TTC28: variants seen among roughly 807,000 people sequenced by gnomAD.
TTC28 encodes tetratricopeptide repeat domain 28.
TTC28 carries 61 observed loss-of-function variants against 198.0 expected under a neutral mutation model. The ratio of observed to expected loss-of-function variants is 0.31; its 90% CI spans 0.25 to 0.38. TTC28 has a LOEUF of 0.38. TTC28 is among the 10% of genes least tolerant of loss of function. The probability of loss-of-function intolerance (pLI) is 1.00; values close to 1 mark genes in which losing one functional copy is unlikely to be tolerated. For synonymous variants in TTC28, 1,171 were observed against 1,297.8 expected (o/e 0.90, Z 2.10); for missense variants, 2,678 against 3,164.0 (o/e 0.85, Z 3.69).
intron 2 of TTC28, among the ~76,000 whole-genome samples, chr22:28,461,961 T>C (rs1260648889): frequency 6.6e-6 from 1 of 152,204 alleles, no homozygotes; most frequent in African/African-American, 2.4e-5. Context: ...ACCAACCAGC[T>C]TGTCTCAGAA....
At chr22:28,027,766 C>T (rs1601532143) in intron 13 of TTC28, among the ~76,000 whole-genome samples, 2 of 152,394 alleles carry the variant, frequency 1.3e-5, no homozygotes, top group Middle Eastern at 3.4e-3. Context: ...CCTGGCCATA[C>T]ATGGGACAGA....
intron 2 of TTC28, among the ~76,000 whole-genome samples, chr22:28,576,899 C>G (rs958389666): frequency 1.3e-5 from 2 of 151,248 alleles, no homozygotes; most frequent in Non-Finnish European, 3.0e-5. Context: ...AAAGGTTTGT[C>G]GATTTTATCT....
intron 2 of TTC28, among the ~76,000 whole-genome samples, chr22:28,423,608 A>C (rs1266634406): frequency 6.6e-6 from 1 of 152,240 alleles, no homozygotes; most frequent in African/African-American, 2.4e-5. Context: ...TCTAAAGTCC[A>C]TTAAGTTGCA....
At chr22:28,542,851 T>C (rs904355738) in intron 2 of TTC28, among the ~76,000 whole-genome samples, 1 of 151,798 alleles carries the variant, frequency 6.6e-6, no homozygotes, top group African/African-American at 2.4e-5. Context: ...AAATCAATGA[T>C]AGAAAAACAA....
chr22:28,522,279 G>A (rs2048922882), intron 2 of TTC28, among the ~76,000 whole-genome samples: 1 of 152,288 alleles, frequency 6.6e-6, no homozygotes, highest in Admixed American at 6.5e-5. Context: ...CCAGAGTCAG[G>A]AGTTTGAGAC....
intron 2 of TTC28, among the ~76,000 whole-genome samples, chr22:28,403,044 G>GA (rs1179401304): frequency 6.6e-6 from 1 of 152,166 alleles, no homozygotes; most frequent in African/African-American, 2.4e-5. Context: ...TTAACCTACG[G>GA]AAGTAGCCAA....
intron 2 of TTC28, among the ~76,000 whole-genome samples, chr22:28,354,197 T>C (rs1601678477): frequency 6.6e-6 from 1 of 152,132 alleles, no homozygotes; most frequent in South Asian, 2.1e-4. Context: ...GCCCTCAAAA[T>C]TGAAACAGGG....
chr22:28,450,969 G>T (rs1243240458), intron 2 of TTC28, among the ~76,000 whole-genome samples: 2 of 152,190 alleles, frequency 1.3e-5, no homozygotes, highest in Non-Finnish European at 2.9e-5. Flanking sequence ...AGAGCACGAG[G>T]ATCTTGCTGA....
chr22:28,020,168 G>A (rs980895768), intron 13 of TTC28, among the ~76,000 whole-genome samples: 4 of 152,204 alleles, frequency 2.6e-5, no homozygotes, highest in African/African-American at 4.8e-5. Flanking sequence ...TGGGGGCTGC[G>A]GCTCCGGGCT....
intron 2 of TTC28, among the ~76,000 whole-genome samples, chr22:28,470,819 A>G (rs532005010): frequency 2.6e-5 from 4 of 152,320 alleles, no homozygotes; most frequent in African/African-American, 9.6e-5. Flanking sequence ...AGGAGGTTTT[A>G]GCAGGTGAAG....
intron 2 of TTC28, among the ~76,000 whole-genome samples, chr22:28,361,453 C>G (rs900574888): frequency 2.6e-5 from 4 of 152,086 alleles, no homozygotes; most frequent in African/African-American, 9.7e-5. Context: ...AAAACCCTAA[C>G]TATTCAGTTC....
At chr22:28,400,580 C>T (rs931541769) in intron 2 of TTC28, among the ~76,000 whole-genome samples, 13 of 152,152 alleles carry the variant, frequency 8.5e-5, no homozygotes, top group Non-Finnish European at 1.6e-4. Context: ...TCATCCTGCA[C>T]TTGGAAATGT....
intron 2 of TTC28, among the ~76,000 whole-genome samples, chr22:28,545,614 A>G (rs2049524134): frequency 6.6e-6 from 1 of 152,090 alleles, no homozygotes; most frequent in Non-Finnish European, 1.5e-5. Flanking sequence ...TATAAATAAC[A>G]GGTGAATTTA....
chr22:28,070,307 A>G (rs1448074357), intron 12 of TTC28, among the ~76,000 whole-genome samples: 1 of 152,222 alleles, frequency 6.6e-6, no homozygotes, highest in African/African-American at 2.4e-5. Context: ...CCTCCACACA[A>G]TAAATACTAC....
At position 27,999,137 on chromosome 22, in the gene TTC28, C is replaced by T. The variant is rs1937607383; in HGVS notation, c.4522G>A (p.Glu1508Lys). The change falls in exon 16 of 23, where the codon GAG becomes AAG. Residue 1508 changes from glutamate to lysine, a missense_variant. Transcript: ENST00000397906. ...TCGGACACCATGTAGGCCTCTTCCT[C>T]GGCCGATGGCATGGGCCCCCACAGC... is the stretch of plus-strand genomic sequence containing the variant. ...RWLWGPMPSA[E>K]EEAYMVSELL... 16 of 1,550,388 alleles carry T rather than the reference C, an allele frequency of 1.0e-5. No individual in the cohort carries two copies. Among genetic ancestry groups the T allele is most frequent in the African/African-American group, 1.4e-5 (1 of 73,058 alleles).
intron 5 of TTC28, among the ~76,000 whole-genome samples, chr22:28,253,245 A>C (rs1463320822): frequency 6.6e-6 from 1 of 152,218 alleles, no homozygotes; most frequent in African/African-American, 2.4e-5. Context: ...AGACTTCCAA[A>C]TCAATTGAAG....
chr22:27,990,207 G>A (rs1256537280), intron 20 of TTC28, 200 bp from the exon 21 acceptor site: 2 of 668,058 alleles, frequency 3.0e-6, no homozygotes, highest in Non-Finnish European at 4.5e-6. Flanking sequence ...ATGGGGCATT[G>A]GGGCAAGAGG....
chr22:28,662,116 T>C (rs1227221603), intron 1 of TTC28, among the ~76,000 whole-genome samples: 1 of 152,202 alleles, frequency 6.6e-6, no homozygotes, highest in Non-Finnish European at 1.5e-5. Flanking sequence ...ATTAAATTAA[T>C]AGATAATAAA....
At position 28,584,022 on chromosome 22, in the gene TTC28, T is replaced by G. The variant is rs563212175; in HGVS notation, c.381+45530A>C. On this transcript the variant is annotated intron_variant, in intron 2 of 22. Transcript: ENST00000397906. ...TTTGTTTTTGTTTTGTTTTGTTTTT[T>G]TTTTTTTTTTTGGCACAATCATAGA... Among the ~76,000 whole-genome samples, 500 of 149,248 alleles carry G rather than the reference T, an allele frequency of 3.4e-3. 3 individuals carry two copies. The highest frequency in any genetic ancestry group is 0.011 in the African/African-American group (462 of 40,760).
Sources: allele counts gnomAD v4.1 joint callset (sites outside exome capture counted in the v4.1 genomes callset), GRCh38; gene constraint gnomAD v4.1.1; transcripts MANE v1.5; gene names NCBI Gene and HGNC (gene_info 2026-07-23, HGNC 2026-07-21).